The following ARSB variants were observed in gnomAD, a reference collection of about 807,000 sequenced individuals.
ARSB encodes the protein arylsulfatase B.
In ARSB, 41 loss-of-function variants were observed where a neutral mutation model predicts 50.9. The ratio of observed to expected loss-of-function variants is 0.81; its 90% CI spans 0.63 to 1.04. The LOEUF is 1.04. ARSB is among the 50% of genes least tolerant of loss of function. The pLI, the probability that ARSB is intolerant of heterozygous loss-of-function variation, is 0.00. For synonymous variants in ARSB, 269 were observed against 284.8 expected (o/e 0.94, Z 0.56); for missense variants, 672 against 693.3 (o/e 0.97, Z 0.35).
intron 4 of ARSB, among the ~76,000 whole-genome samples, chr5:78,892,461 G>A (rs537331976): frequency 2.0e-5 from 3 of 151,922 alleles, no homozygotes; most frequent in South Asian, 2.1e-4. Context: ...TCGCCTTGTC[G>A]GCCAGGCTGG....
At chr5:78,867,745 C>T (rs1459735776) in intron 5 of ARSB, among the ~76,000 whole-genome samples, 8 of 151,888 alleles carry the variant, frequency 5.3e-5, no homozygotes, top group South Asian at 2.1e-4. Context: ...AACTCTAAAA[C>T]GCAGAGCGCC....
chr5:78,955,505 G>A lies in ARSB; in HGVS notation c.691-3C>T. 1 of 1,613,658 alleles carries A rather than the reference G, an allele frequency of 6.2e-7. No individual in the cohort carries two copies. Among genetic ancestry groups the A allele is most frequent in the South Asian group, 1.1e-5 (1 of 91,058 alleles). ...AGAGCAAGGTAGAGAAACAGAGGCT[G>A]GAAAGAAAGTTTGTGCAAACCAGTT... is the stretch of plus-strand genomic sequence containing the variant. On this transcript the variant is annotated splice_polypyrimidine_tract_variant and splice_region_variant and intron_variant, in intron 3 of 7. Transcript: ENST00000264914.
At chr5:78,970,592 C>T (rs1227050445) in intron 1 of ARSB, among the ~76,000 whole-genome samples, 1 of 152,060 alleles carries the variant, frequency 6.6e-6, no homozygotes, top group Non-Finnish European at 1.5e-5. Flanking sequence ...TGATCATTGC[C>T]ATGAGGAAAA....
chr5:78,894,853 G>A (rs1482901249), intron 4 of ARSB, among the ~76,000 whole-genome samples: 1 of 152,178 alleles, frequency 6.6e-6, no homozygotes, highest in Admixed American at 6.5e-5. Context: ...CACAGTGGGA[G>A]TGAGGGCAGA....
At chr5:78,970,389 A>T (rs927682731) in intron 1 of ARSB, among the ~76,000 whole-genome samples, 1 of 152,230 alleles carries the variant, frequency 6.6e-6, no homozygotes, top group Non-Finnish European at 1.5e-5. Context: ...TAAGTTATTT[A>T]TGTTAATATA....
At chr5:78,815,011 C>A (rs898753417) in intron 6 of ARSB, among the ~76,000 whole-genome samples, 16 of 148,608 alleles carry the variant, frequency 1.1e-4, no homozygotes, top group South Asian at 4.3e-4. Flanking sequence ...GTAAAAAAAA[C>A]CCCAAACTAA....
rs1748855022 is a variant in ARSB, at chr5:78,779,158, C to T, written c.*1239G>A. ...CACACATTTCTCTGGGTTTGACACT[C>T]TCTGGAGCTAATATGGACTGTTCCA... On this transcript the variant is annotated 3_prime_UTR_variant, in exon 8 of 8. Transcript: ENST00000264914. 6.6e-6 allele frequency: 1 copy of T among 152,156 alleles called. No homozygotes were observed. Among genetic ancestry groups the T allele is most frequent in the South Asian group, 2.1e-4 (1 of 4,818 alleles). The allele number at this position is 152,156 out of a possible 1,614,324, so 9.4% of individuals were successfully genotyped here.
intron 6 of ARSB, among the ~76,000 whole-genome samples, chr5:78,834,610 T>C (rs542044945): frequency 1.4e-5 from 1 of 72,778 alleles, no homozygotes; most frequent in Non-Finnish European, 2.6e-5. Flanking sequence ...TATATGTGTA[T>C]ATATATATAT....
intron 4 of ARSB, among the ~76,000 whole-genome samples, chr5:78,950,646 C>T (rs954552467): frequency 1.3e-5 from 2 of 152,154 alleles, no homozygotes; most frequent in Non-Finnish European, 2.9e-5. Context: ...AAAGAAGAAA[C>T]TGTAACTAGG....
chr5:78,806,261 T>A (rs960612652), intron 6 of ARSB, among the ~76,000 whole-genome samples: 1 of 152,218 alleles, frequency 6.6e-6, no homozygotes, highest in Non-Finnish European at 1.5e-5. Flanking sequence ...AAAGTCACAG[T>A]GTCCCCTGGC....
At chr5:78,791,523 C>T (rs945441281) in intron 6 of ARSB, among the ~76,000 whole-genome samples, 2 of 152,210 alleles carry the variant, frequency 1.3e-5, no homozygotes, top group African/African-American at 2.4e-5. Flanking sequence ...ACCCAGAGCC[C>T]GTGAGTCCCC....
At chr5:78,980,457 T>C (rs1347150284) in intron 1 of ARSB, among the ~76,000 whole-genome samples, 2 of 152,242 alleles carry the variant, frequency 1.3e-5, no homozygotes, top group Non-Finnish European at 2.9e-5. Flanking sequence ...ACAACCTACA[T>C]GTTCATCAGT....
intron 4 of ARSB, among the ~76,000 whole-genome samples, chr5:78,946,280 A>G (rs1369166783): frequency 6.6e-6 from 1 of 152,220 alleles, no homozygotes; most frequent in Non-Finnish European, 1.5e-5. Context: ...AAAGGCATCC[A>G]GATTGGAAAG....
chr5:78,823,641 T>C (rs1744322466), intron 6 of ARSB, among the ~76,000 whole-genome samples: 2 of 152,216 alleles, frequency 1.3e-5, no homozygotes, highest in African/African-American at 4.8e-5. Flanking sequence ...TTTAGAAGCT[T>C]GGGTTTTCTT....
intron 6 of ARSB, among the ~76,000 whole-genome samples, chr5:78,831,819 C>G (rs1429145977): frequency 6.6e-6 from 1 of 152,120 alleles, no homozygotes; most frequent in Non-Finnish European, 1.5e-5. Context: ...ACTCTTGATT[C>G]TGCTTAATAT....
Position 78,965,780 on chromosome 5 carries a change from G to C in ARSB, c.500-1174C>G, listed in dbSNP as rs1281601563. Among the ~76,000 whole-genome samples, 3 of 152,162 alleles carry C rather than the reference G, an allele frequency of 2.0e-5. No homozygotes were observed. The East Asian group carries it at 5.8e-4, about 29-fold the overall frequency. ...ACTTTCCCTATAATGAAAATTAAGAGCTTTACATAGTTTATATAATAAATC... is the reference window on the plus strand; with the variant it reads ...ACTTTCCCTATAATGAAAATTAAGACCTTTACATAGTTTATATAATAAATC... On this transcript the variant is annotated intron_variant, in intron 2 of 7. Transcript: ENST00000264914.
intron 4 of ARSB, among the ~76,000 whole-genome samples, chr5:78,922,006 A>C (rs1322179692): frequency 6.6e-6 from 1 of 152,156 alleles, no homozygotes; most frequent in Non-Finnish European, 1.5e-5. Context: ...GCACCCGTGG[A>C]GGGAGCATTT....
At chr5:78,893,127 AG>A (rs1291159811) in intron 4 of ARSB, among the ~76,000 whole-genome samples, 2 of 152,172 alleles carry the variant, frequency 1.3e-5, no homozygotes, top group Admixed American at 6.5e-5. Flanking sequence ...TGATTTTAAA[AG>A]GGGTTTCCCC....
At chr5:78,920,782 C>G (rs1427499105) in intron 4 of ARSB, among the ~76,000 whole-genome samples, 1 of 152,182 alleles carries the variant, frequency 6.6e-6, no homozygotes, top group African/African-American at 2.4e-5. Flanking sequence ...GAACCTCTGG[C>G]TCACATTGAG....
Sources: gnomAD v4.1 joint callset for allele counts (sites outside exome capture counted in the v4.1 genomes callset) on GRCh38, gnomAD v4.1.1 for gene constraint, MANE v1.5 for transcripts, NCBI Gene and HGNC (gene_info 2026-07-23, HGNC 2026-07-21) for gene names.